The following MAGI2 variants were observed in gnomAD, a reference collection of about 807,000 sequenced individuals.
The protein encoded by MAGI2 is membrane-associated guanylate kinase, WW and PDZ domain-containing protein 2.
In MAGI2, 35 loss-of-function variants were observed where a neutral mutation model predicts 133.3. The ratio of observed to expected loss-of-function variants is 0.26; its 90% CI spans 0.20 to 0.35. MAGI2 has a LOEUF of 0.35. Ranked by LOEUF, MAGI2 falls within the 10% of genes least tolerant of loss-of-function variation. The pLI is 1.00. For synonymous variants in MAGI2, 729 were observed against 710.6 expected, an observed-to-expected ratio of 1.03 and a Z score of -0.41; for missense variants, 1,636 against 1,863.4, an observed-to-expected ratio of 0.88 and a Z score of 2.25.
chr7:78,454,187 C>G (rs546188242), intron 6 of MAGI2, among the ~76,000 whole-genome samples: 2 of 152,068 alleles, frequency 1.3e-5, no homozygotes, highest in Non-Finnish European at 2.9e-5. Context: ...AGTAGGAAAC[C>G]GACAGGATCA....
intron 1 of MAGI2, among the ~76,000 whole-genome samples, chr7:79,102,771 C>A (rs757055973): frequency 2.6e-4 from 39 of 152,218 alleles, no homozygotes; most frequent in Middle Eastern, 6.8e-3. Context: ...AAGGATATTG[C>A]GATGATCTTT....
At position 79,003,201 on chromosome 7, in the gene MAGI2, G is replaced by C. The variant is rs566625395; in HGVS notation, c.418+3889C>G. Among the ~76,000 whole-genome samples the C allele has an allele frequency of 4.6e-5, 7 of 152,132 alleles. No homozygotes were observed. The South Asian group carries it at 1.5e-3, about 32-fold the overall frequency. On this transcript the variant is annotated intron_variant, in intron 2 of 21. Coordinates refer to ENST00000354212, the MANE Select transcript of MAGI2 (RefSeq NM_012301.4). The stretch of plus-strand genomic sequence containing the variant: ...ATGTATATGTGTGTATGTAGCAGGT[G>C]GTGGGGGGGAGGTCTTTGGAGCCCT...
chr7:78,108,680 ATATGTGAGTG>A (rs1818962260), intron 20 of MAGI2, among the ~76,000 whole-genome samples: 1 of 139,138 alleles, frequency 7.2e-6, no homozygotes. Flanking sequence ...ATACACACAT[ATATGTGAGTG>A]TATACACACA....
In MAGI2 at chr7:79,237,832, A is replaced by G. The variant is rs150979605; in HGVS notation, c.301+215188T>C. On this transcript the variant is annotated intron_variant, in intron 1 of 21. Transcript: ENST00000354212. ...GGCTTTTGGCACTTTCTAATTTTTC[A>G]CAATGATTTTAAGTGAAATGTCTTT... Among the ~76,000 whole-genome samples, 298 of 152,282 alleles carry G rather than the reference A, an allele frequency of 2.0e-3. 2 individuals are homozygous for G. Among genetic ancestry groups the G allele is most frequent in the African/African-American group, 6.9e-3 (285 of 41,542 alleles).
chr7:78,800,014 C>CT (rs1460063932), intron 2 of MAGI2, among the ~76,000 whole-genome samples: 1 of 152,098 alleles, frequency 6.6e-6, no homozygotes, highest in African/African-American at 2.4e-5. Flanking sequence ...TATTTTAACA[C>CT]TTTATAGGCA....
intron 20 of MAGI2, among the ~76,000 whole-genome samples, chr7:78,094,156 C>A (rs1337362561): frequency 6.6e-6 from 1 of 152,220 alleles, no homozygotes; most frequent in Non-Finnish European, 1.5e-5. Context: ...ACTGACTGTA[C>A]CCCTTAATTT....
Position 78,750,369 on chromosome 7 carries a change from T to C in MAGI2, c.419-123130A>G, listed in dbSNP as rs1585285807. Among the ~76,000 whole-genome samples the C allele has an allele frequency of 3.3e-5, 5 of 152,322 alleles. 1 individual carries two copies. The stretch of plus-strand genomic sequence containing the variant: ...GTGTGTACGTGTGCATGTGTCTTTA[T>C]GGTAGAATGATTTATACTCCTTTGG... On this transcript the variant is annotated intron_variant, in intron 2 of 21. Coordinates refer to ENST00000354212, the MANE Select transcript of MAGI2 (RefSeq NM_012301.4).
intron 1 of MAGI2, among the ~76,000 whole-genome samples, chr7:79,371,774 T>C (rs1843068861): frequency 6.6e-6 from 1 of 152,162 alleles, no homozygotes; most frequent in African/African-American, 2.4e-5. Context: ...TGAGTGCTTA[T>C]AGACAGTTCT....
chr7:79,336,518 G>A (rs1338880404), intron 1 of MAGI2, among the ~76,000 whole-genome samples: 1 of 152,084 alleles, frequency 6.6e-6, no homozygotes, highest in Admixed American at 6.6e-5. Flanking sequence ...AGGCGCTTAT[G>A]CAGTACAGTA....
intron 1 of MAGI2, among the ~76,000 whole-genome samples, chr7:79,444,574 G>T (rs531458871): frequency 1.3e-5 from 2 of 152,128 alleles, no homozygotes; most frequent in South Asian, 4.1e-4. Context: ...TTGCTTCAAA[G>T]AGAATAAAAT....
intron 6 of MAGI2, among the ~76,000 whole-genome samples, chr7:78,371,475 A>G (rs1394400862): frequency 6.6e-6 from 1 of 152,026 alleles, no homozygotes; most frequent in East Asian, 1.9e-4. Context: ...ACTTATGAAT[A>G]CAGCCCTACT....
intron 3 of MAGI2, among the ~76,000 whole-genome samples, chr7:78,568,682 C>T (rs533285070): frequency 2.4e-4 from 36 of 152,294 alleles, no homozygotes; most frequent in African/African-American, 7.2e-4. Flanking sequence ...CTTCCACTAT[C>T]GTCCCCACTC....
At chr7:79,019,094 TC>T (rs1275148123) in intron 1 of MAGI2, among the ~76,000 whole-genome samples, 1 of 152,150 alleles carries the variant, frequency 6.6e-6, no homozygotes, top group African/African-American at 2.4e-5. Flanking sequence ...TGTACATACT[TC>T]TCATTTGCAC....
chr7:78,203,992 T>G (rs1230102655), intron 10 of MAGI2, among the ~76,000 whole-genome samples: 2 of 152,158 alleles, frequency 1.3e-5, no homozygotes. Flanking sequence ...TAAAAAGCAC[T>G]AAAAACCAAA....
intron 2 of MAGI2, among the ~76,000 whole-genome samples, chr7:78,636,539 C>T (rs1584923016): frequency 6.6e-6 from 1 of 152,084 alleles, no homozygotes; most frequent in African/African-American, 2.4e-5. Flanking sequence ...TGGCTCACGC[C>T]TGTAATCCCA....
chr7:78,087,868 A>G (rs1816797638), intron 20 of MAGI2, among the ~76,000 whole-genome samples: 1 of 152,200 alleles, frequency 6.6e-6, no homozygotes, highest in South Asian at 2.1e-4. Flanking sequence ...TTGGAGCAAA[A>G]CATTTTCTAC....
At chr7:78,992,810 A>G (rs535799308) in intron 2 of MAGI2, among the ~76,000 whole-genome samples, 62 of 152,142 alleles carry the variant, frequency 4.1e-4, no homozygotes, top group Middle Eastern at 3.4e-3. Context: ...AAGCTACCCA[A>G]TGTTGACCTC....
chr7:78,707,433 A>T (rs1180211481), intron 2 of MAGI2, among the ~76,000 whole-genome samples: 1 of 152,094 alleles, frequency 6.6e-6, no homozygotes, highest in Non-Finnish European at 1.5e-5. Context: ...ATAACTTCTG[A>T]CTCTAAAACA....
intron 4 of MAGI2, among the ~76,000 whole-genome samples, chr7:78,520,282 T>A (rs560777127): frequency 1.3e-5 from 2 of 152,168 alleles, no homozygotes; most frequent in Non-Finnish European, 2.9e-5. Flanking sequence ...AACACCTTTA[T>A]AGGCATTTTG....
Sources: allele counts gnomAD v4.1 joint callset (sites outside exome capture counted in the v4.1 genomes callset), GRCh38; gene constraint gnomAD v4.1.1; transcripts MANE v1.5; gene names NCBI Gene and HGNC (gene_info 2026-07-23, HGNC 2026-07-21).